SLC25A21: variants seen among roughly 807,000 people sequenced by gnomAD.
SLC25A21 encodes mitochondrial 2-oxodicarboxylate carrier.
A neutral mutation model predicts 43.8 loss-of-function variants in SLC25A21; 47 were observed. The observed-to-expected ratio is 1.07, with a 90% confidence interval of 0.85 to 1.37. SLC25A21 has a LOEUF of 1.37. SLC25A21 is among the 40% of genes most tolerant of loss of function. The pLI, the probability that SLC25A21 is intolerant of heterozygous loss-of-function variation, is 0.00. For missense variants in SLC25A21, 352 were observed against 350.2 expected, an observed-to-expected ratio of 1.00 and a Z score of -0.04; for synonymous variants, 131 against 121.3, an observed-to-expected ratio of 1.08 and a Z score of -0.52.
chr14:37,059,904 T>G lies in SLC25A21; in HGVS notation c.70+112377A>C, dbSNP rs559660775. On this transcript the variant is annotated intron_variant, in intron 1 of 9. Transcript: ENST00000331299. ...TCCACTCCAGCAGAGGGCTGAGTAG[T>G]GGCACAAACAAAAGTGTGTTTCACT... Among the ~76,000 whole-genome samples, 4 of 152,270 alleles carry G rather than the reference T, an allele frequency of 2.6e-5. No individual in the cohort carries two copies. In the East Asian group the frequency reaches 7.7e-4, roughly 29 times the overall value.
At chr14:37,110,526 G>T (rs936208732) in intron 1 of SLC25A21, among the ~76,000 whole-genome samples, 4 of 152,062 alleles carry the variant, frequency 2.6e-5, no homozygotes, top group African/African-American at 9.7e-5. Context: ...TTATAATAAA[G>T]ATACAATGAA....
intron 1 of SLC25A21, among the ~76,000 whole-genome samples, chr14:37,021,118 G>A (rs749506429): frequency 6.6e-6 from 1 of 151,942 alleles, no homozygotes; most frequent in Non-Finnish European, 1.5e-5. Context: ...CAAAGCCAGT[G>A]TTATAGTTTG....
Position 36,810,273 on chromosome 14 carries a change from A to G in SLC25A21, c.203+3645T>C, listed in dbSNP as rs978747100. Among the ~76,000 whole-genome samples, 5 of 152,162 alleles carry G rather than the reference A, an allele frequency of 3.3e-5. No individual in the cohort carries two copies. The East Asian group carries it at 9.6e-4, about 29-fold the overall frequency. On this transcript the variant is annotated intron_variant, in intron 3 of 9. Coordinates refer to ENST00000331299, the MANE Select transcript of SLC25A21 (RefSeq NM_030631.4). ...ACCACACATACTGTATGTTTGTTAT[A>G]TTATTTGATATCAAAGCAGAAGCAG...
intron 7 of SLC25A21, among the ~76,000 whole-genome samples, chr14:36,695,470 G>C (rs1049957101): frequency 6.6e-6 from 1 of 152,124 alleles, no homozygotes; most frequent in East Asian, 1.9e-4. Context: ...AGCTTGATGG[G>C]GATGGCATTG....
At position 36,951,247 on chromosome 14, in the gene SLC25A21, A is replaced by C. The variant is rs546980014; in HGVS notation, c.71-76243T>G. ...TCTACTGCCATTACAAAAAAAAAAA[A>C]AAAACTATAACCAAATAGCCTACTT... On this transcript the variant is annotated intron_variant, in intron 1 of 9. Transcript: ENST00000331299. 3.3e-5 allele frequency among the ~76,000 whole-genome samples: 5 copies of C among 152,270 alleles called. No homozygotes were observed. The East Asian group carries it at 5.8e-4, about 18-fold the overall frequency.
intron 1 of SLC25A21, among the ~76,000 whole-genome samples, chr14:37,139,593 C>T (rs2138917711): frequency 6.6e-6 from 1 of 152,126 alleles, no homozygotes; most frequent in South Asian, 2.1e-4. Context: ...AAATGAATAA[C>T]ACAATTTTCT....
intron 7 of SLC25A21, among the ~76,000 whole-genome samples, chr14:36,706,817 A>G (rs1448377913): frequency 6.6e-6 from 1 of 151,838 alleles, no homozygotes; most frequent in Non-Finnish European, 1.5e-5. Flanking sequence ...AGACCCCACC[A>G]CTTTGTATTG....
At chr14:37,049,791 T>C (rs1238721303) in intron 1 of SLC25A21, among the ~76,000 whole-genome samples, 2 of 152,216 alleles carry the variant, frequency 1.3e-5, no homozygotes, top group Non-Finnish European at 2.9e-5. Flanking sequence ...ATATTATCAC[T>C]TCAACAACTA....
Position 37,010,420 on chromosome 14 carries a change from C to G in SLC25A21, c.71-135416G>C, listed in dbSNP as rs1960704513. 2.0e-5 allele frequency among the ~76,000 whole-genome samples: 3 copies of G among 152,334 alleles called. No homozygotes were observed. In the South Asian group the frequency reaches 6.2e-4, roughly 32 times the overall value. ...ACATTTATTGAGGACTTACTTTCTT[C>G]CTCAAGAGGCTTACAGTCTAACAGT... On this transcript the variant is annotated intron_variant, in intron 1 of 9. Coordinates refer to ENST00000331299, the MANE Select transcript of SLC25A21 (RefSeq NM_030631.4).
chr14:36,962,487 C>T (rs1394095665), intron 1 of SLC25A21, among the ~76,000 whole-genome samples: 3 of 152,104 alleles, frequency 2.0e-5, no homozygotes, highest in Non-Finnish European at 2.9e-5. Context: ...ATTTCCTCTC[C>T]CTGCCACCCC....
In SLC25A21 at chr14:37,043,009, A is replaced by G. The variant is rs1451179674; in HGVS notation, c.70+129272T>C. Among the ~76,000 whole-genome samples the G allele has an allele frequency of 2.0e-5, 3 of 152,152 alleles. No homozygotes were observed. In the East Asian group the frequency reaches 5.8e-4, roughly 29 times the overall value. On this transcript the variant is annotated intron_variant, in intron 1 of 9. Coordinates refer to ENST00000331299, the MANE Select transcript of SLC25A21 (RefSeq NM_030631.4). ...CCATCTCCCAACCACTTCCTTTCCA[A>G]TTGATTATTTCAGGAAACTGCTGAA... is the stretch of plus-strand genomic sequence containing the variant.
intron 1 of SLC25A21, among the ~76,000 whole-genome samples, chr14:36,999,726 T>C (rs1054823998): frequency 1.3e-5 from 2 of 152,202 alleles, no homozygotes; most frequent in Admixed American, 1.3e-4. Flanking sequence ...GCCTCAGAGC[T>C]GAAGAGAAAG....
rs1274452833 is a variant in SLC25A21 at position 37,165,259 on chromosome 14, C to T, written c.70+7022G>A. Among the ~76,000 whole-genome samples the T allele has an allele frequency of 2.6e-5, 4 of 152,064 alleles. No individual in the cohort carries two copies. In the East Asian group the frequency reaches 7.7e-4, roughly 29 times the overall value. On this transcript the variant is annotated intron_variant, in intron 1 of 9. Coordinates refer to ENST00000331299, the MANE Select transcript of SLC25A21 (RefSeq NM_030631.4). The stretch of plus-strand genomic sequence containing the variant: ...AGGCATGGTGGTGGGTGCCTATAAT[C>T]CCAGCTACTCAGAAGGCTGAGGCAA...
At chr14:37,113,317 T>C (rs1051189897) in intron 1 of SLC25A21, among the ~76,000 whole-genome samples, 1 of 152,152 alleles carries the variant, frequency 6.6e-6, no homozygotes, top group African/African-American at 2.4e-5. Flanking sequence ...ATGGAATTGA[T>C]TAAATAGGAA....
intron 3 of SLC25A21, among the ~76,000 whole-genome samples, chr14:36,739,690 A>G (rs1885176268): frequency 6.6e-6 from 1 of 151,672 alleles, no homozygotes; most frequent in East Asian, 2.0e-4. Context: ...AAAAAGAAAA[A>G]AAAAAAAAAG....
At chr14:36,759,287 A>C (rs934689599) in intron 3 of SLC25A21, among the ~76,000 whole-genome samples, 3 of 152,174 alleles carry the variant, frequency 2.0e-5, no homozygotes, top group Non-Finnish European at 4.4e-5. Flanking sequence ...CTTTTGTGTG[A>C]AAGTAAGGTT....
At chr14:36,689,709 A>C (rs1882712548) in intron 7 of SLC25A21, among the ~76,000 whole-genome samples, 2 of 152,198 alleles carry the variant, frequency 1.3e-5, no homozygotes, top group African/African-American at 4.8e-5. Context: ...GCACCATGTG[A>C]GAACTTATTA....
intron 3 of SLC25A21, among the ~76,000 whole-genome samples, chr14:36,813,561 T>A (rs1445579598): frequency 6.6e-6 from 1 of 152,136 alleles, no homozygotes; most frequent in African/African-American, 2.4e-5. Context: ...CTGTTTTATT[T>A]GTATATTCAT....
At chr14:36,999,139 C>A (rs961956027) in intron 1 of SLC25A21, among the ~76,000 whole-genome samples, 2 of 151,976 alleles carry the variant, frequency 1.3e-5, no homozygotes, top group Admixed American at 6.6e-5. Context: ...AACTGGGAAG[C>A]AGTAGGTGAA....
Sources: allele counts gnomAD v4.1 joint callset (sites outside exome capture counted in the v4.1 genomes callset), GRCh38; gene constraint gnomAD v4.1.1; transcripts MANE v1.5; gene names NCBI Gene and HGNC (gene_info 2026-07-23, HGNC 2026-07-21).